Variants in FAM178B observed in about 807,000 individuals in gnomAD.
FAM178B encodes the protein family with sequence similarity 178 member B.
In FAM178B, 82 loss-of-function variants were observed where a neutral mutation model predicts 91.7. That is an observed-to-expected ratio of 0.89 (90% CI 0.75 to 1.07). The LOEUF is 1.07. Among genes scored for constraint, FAM178B ranks in the 50% least tolerant of loss-of-function variants. The pLI is 0.00. For synonymous variants in FAM178B, 368 were observed against 359.4 expected, an observed-to-expected ratio of 1.02 and a Z score of -0.27; for missense variants, 769 against 846.7, an observed-to-expected ratio of 0.91 and a Z score of 1.14.
At chr2:96,916,592 C>T (rs1474418114) in intron 12 of FAM178B, among the ~76,000 whole-genome samples, 2 of 152,216 alleles carry the variant, frequency 1.3e-5, no homozygotes, top group Non-Finnish European at 2.9e-5. Context: ...CTTCCCAAAG[C>T]TGCCTGAGCT....
chr2:96,983,899 CTACT>C (rs1354585121), intron 1 of FAM178B, among the ~76,000 whole-genome samples: 2 of 152,322 alleles, frequency 1.3e-5, no homozygotes, highest in Middle Eastern at 3.4e-3. Flanking sequence ...TGAATAACTA[CTACT>C]TATTTATCCA....
At chr2:96,947,200 A>G (rs1244177662) in intron 8 of FAM178B, among the ~76,000 whole-genome samples, 1 of 152,108 alleles carries the variant, frequency 6.6e-6, no homozygotes, top group Non-Finnish European at 1.5e-5. Flanking sequence ...TGCAGCCACT[A>G]GGGGGGGAAA....
intron 12 of FAM178B, among the ~76,000 whole-genome samples, chr2:96,905,163 T>C (rs1430191229): frequency 6.6e-6 from 1 of 152,058 alleles, no homozygotes; most frequent in Non-Finnish European, 1.5e-5. Context: ...TTGACCTGGG[T>C]GCTGGCTTCA....
At chr2:96,892,720 G>A (rs1315120867) in intron 14 of FAM178B, among the ~76,000 whole-genome samples, 2 of 151,846 alleles carry the variant, frequency 1.3e-5, no homozygotes, top group East Asian at 1.9e-4. Context: ...CAGACCAGAC[G>A]TGACACTCTT....
At chr2:96,904,082 CAAAACTGGCAAG>C (rs2080985167) in intron 12 of FAM178B, among the ~76,000 whole-genome samples, 1 of 152,036 alleles carries the variant, frequency 6.6e-6, no homozygotes, top group Non-Finnish European at 1.5e-5. Context: ...CGCCACTGCC[CAAAACTGGCAAG>C]ATCTACTAAA....
intron 8 of FAM178B, among the ~76,000 whole-genome samples, chr2:96,937,217 C>T (rs1366829714): frequency 9.0e-6 from 1 of 111,544 alleles, no homozygotes; most frequent in African/African-American, 6.0e-5. Context: ...GTTGGAATCA[C>T]TTAGGGAGTG....
intron 12 of FAM178B, among the ~76,000 whole-genome samples, chr2:96,905,847 T>C (rs1574225552): frequency 3.6e-5 from 1 of 27,540 alleles, no homozygotes; most frequent in South Asian, 8.6e-4. Flanking sequence ...TATATATATA[T>C]ATATATATAT....
chr2:96,878,349 C>T (rs1190595876), intron 15 of FAM178B, 67 bp downstream of exon 15: 3 of 1,486,872 alleles, frequency 2.0e-6, no homozygotes, highest in South Asian at 1.2e-5. Context: ...CCAGCCAACC[C>T]CCGCCGCTTG....
At chr2:96,884,479 C>G (rs2080468221) in intron 14 of FAM178B, among the ~76,000 whole-genome samples, 1 of 152,190 alleles carries the variant, frequency 6.6e-6, no homozygotes, top group Non-Finnish European at 1.5e-5. Context: ...GGGGCACGGT[C>G]TAGGTATCCA....
chr2:96,960,164 A>T (rs1188584984), intron 6 of FAM178B, 124 bp downstream of exon 6: 4 of 1,007,968 alleles, frequency 4.0e-6, no homozygotes, highest in Non-Finnish European at 5.7e-6. Flanking sequence ...AAACTGACAC[A>T]TTCAAATTGG....
intron 13 of FAM178B, chr2:96,898,128 C>G (rs1574211693): frequency 4.1e-6 from 4 of 985,480 alleles, no homozygotes; most frequent in Non-Finnish European, 4.8e-6. Context: ...ATTCTAAACC[C>G]CTGTGCCCCC....
intron 14 of FAM178B, among the ~76,000 whole-genome samples, chr2:96,881,662 A>G (rs2153367353): frequency 6.8e-6 from 1 of 147,586 alleles, no homozygotes; most frequent in Admixed American, 6.9e-5. Context: ...CTGTCAGTGG[A>G]CTTACCCCAG....
At chr2:96,881,688 T>C (rs866489774) in intron 14 of FAM178B, among the ~76,000 whole-genome samples, 1 of 145,348 alleles carries the variant, frequency 6.9e-6, no homozygotes, top group Non-Finnish European at 1.5e-5. Context: ...GGAGAGTTAC[T>C]GGTTTCACAA....
intron 13 of FAM178B, among the ~76,000 whole-genome samples, chr2:96,901,591 G>C (rs1230993702): frequency 6.6e-6 from 1 of 152,148 alleles, no homozygotes; most frequent in Non-Finnish European, 1.5e-5. Flanking sequence ...TTTACAAACA[G>C]TATTTGTTTT....
At chr2:96,909,410 G>C (rs1390439756) in intron 12 of FAM178B, among the ~76,000 whole-genome samples, 1 of 152,158 alleles carries the variant, frequency 6.6e-6, no homozygotes, top group Non-Finnish European at 1.5e-5. Context: ...CTCCAGGAGG[G>C]AGCTCTCCGC....
rs1448368124 is a variant in FAM178B at position 96,972,326 on chromosome 2, C to T, written c.143-4G>A. 1 of 1,466,938 alleles carries T rather than the reference C, an allele frequency of 6.8e-7. No homozygotes were observed. The highest frequency in any genetic ancestry group is 2.5e-5 in the East Asian group (1 of 40,266). The allele number at this position is 1,466,938 out of a possible 1,614,324, so 90.9% of individuals were successfully genotyped here. On this transcript the variant is annotated splice_polypyrimidine_tract_variant and splice_region_variant and intron_variant, in intron 2 of 16. Coordinates refer to ENST00000490605, the MANE Select transcript of FAM178B (RefSeq NM_001122646.3). Reference sequence around the variant, plus strand: ...ACGGTGGCGGCAGCCTGCACCCCTGCAGACAGGACAGAATACTGTGGTCCC... The same window carrying T: ...ACGGTGGCGGCAGCCTGCACCCCTGTAGACAGGACAGAATACTGTGGTCCC...
At chr2:96,932,327 T>C (rs1004968825) in intron 8 of FAM178B, among the ~76,000 whole-genome samples, 8 of 152,258 alleles carry the variant, frequency 5.3e-5, no homozygotes, top group Admixed American at 3.3e-4. Flanking sequence ...CAGGCCAAGG[T>C]GTCAGGAGCA....
At chr2:96,880,735 C>T (rs1457881843) in intron 14 of FAM178B, among the ~76,000 whole-genome samples, 1 of 152,316 alleles carries the variant, frequency 6.6e-6, no homozygotes, top group East Asian at 1.9e-4. Context: ...GCTGGGACTA[C>T]AGGCGCCCGC....
At position 96,876,049 on chromosome 2, in the gene FAM178B, C is replaced by A; in HGVS notation, c.*227G>T. 1.8e-6 allele frequency: 1 copy of A among 567,780 alleles called. No homozygotes were observed. 35.2% of individuals were successfully genotyped at this position (567,780 alleles called of 1,614,324 possible). Reference sequence around the variant, plus strand: ...GAGGAGGGCTGAGGGGTGGGCGAGGCAGAGAGGCCCATCCCTTGCTGAGAG... The same window carrying A: ...GAGGAGGGCTGAGGGGTGGGCGAGGAAGAGAGGCCCATCCCTTGCTGAGAG... On this transcript the variant is annotated 3_prime_UTR_variant, in exon 17 of 17. Transcript: ENST00000490605.
Sources: allele counts gnomAD v4.1 joint callset (sites outside exome capture counted in the v4.1 genomes callset), GRCh38; gene constraint gnomAD v4.1.1; transcripts MANE v1.5; gene names NCBI Gene and HGNC (gene_info 2026-07-23, HGNC 2026-07-21).